EXD2: variants seen among roughly 807,000 people sequenced by gnomAD.
EXD2 encodes exonuclease 3'-5' domain containing 2.
In EXD2, 40 loss-of-function variants were observed where a neutral mutation model predicts 62.5. The observed-to-expected ratio is 0.64, with a 90% confidence interval of 0.50 to 0.83. EXD2 has a LOEUF of 0.83. EXD2 is among the 40% of genes least tolerant of loss of function. The pLI, the probability that EXD2 is intolerant of heterozygous loss-of-function variation, is 0.00. For missense variants in EXD2, 671 were observed against 761.8 expected (o/e 0.88, Z 1.40); for synonymous variants, 239 against 291.9 (o/e 0.82, Z 1.85).
At chr14:69,198,782 A>G (rs2042292761) in intron 1 of EXD2, among the ~76,000 whole-genome samples, 2 of 152,230 alleles carry the variant, frequency 1.3e-5, no homozygotes, top group South Asian at 4.1e-4. Flanking sequence ...CCTAGATGGA[A>G]TAGCTGACTA....
intron 5 of EXD2, among the ~76,000 whole-genome samples, chr14:69,231,902 T>A (rs192727745): frequency 9.1e-6 from 1 of 110,440 alleles, no homozygotes; most frequent in African/African-American, 4.0e-5. Flanking sequence ...AAAGGGAGCA[T>A]GAGCAGTAAA....
At position 69,235,956 on chromosome 14, in the gene EXD2, G is replaced by T. The variant is rs560040966; in HGVS notation, c.1050-90G>T. On this transcript the variant is annotated intron_variant, in intron 6 of 9. Transcript: ENST00000685843. ...TGACCTTAGTGTTGAGAATAGTTTT[G>T]AGTCACTCAGAAGAGAGCATGGGAA... 3 of 917,210 alleles carry T rather than the reference G, an allele frequency of 3.3e-6. No individual in the cohort carries two copies. The African/African-American group carries it at 4.9e-5, about 15-fold the overall frequency. 56.8% of individuals were successfully genotyped at this position (917,210 alleles called of 1,614,324 possible).
At chr14:69,208,118 G>A (rs2042671624) in intron 2 of EXD2, among the ~76,000 whole-genome samples, 1 of 150,332 alleles carries the variant, frequency 6.7e-6, no homozygotes, top group African/African-American at 2.5e-5. Flanking sequence ...AGGCTGGAAC[G>A]AACTCCTGAC....
chr14:69,231,820 C>G (rs1436920405), intron 5 of EXD2, among the ~76,000 whole-genome samples: 1 of 149,068 alleles, frequency 6.7e-6, no homozygotes. Flanking sequence ...CATAGTAGAT[C>G]CTCTGTTTTT....
chr14:69,213,360 A>C, intron 3 of EXD2, among the ~76,000 whole-genome samples: 1 of 133,624 alleles, frequency 7.5e-6, no homozygotes, highest in Non-Finnish European at 1.6e-5. Flanking sequence ...TGTGTGAGCT[A>C]CCATGCTGGG....
rs1429938061 is a variant in EXD2 at position 69,241,988 on chromosome 14, C to T, written c.*888C>T. On this transcript the variant is annotated 3_prime_UTR_variant, in exon 10 of 10. Transcript: ENST00000685843. The stretch of plus-strand genomic sequence containing the variant: ...AGTTCCCCTGTATTCTGTGCTTCAT[C>T]GAATTTGCAAGACTGACCTCTTTTA... The T allele has an allele frequency of 1.3e-5, 5 of 398,584 alleles. No individual in the cohort carries two copies. The highest frequency in any genetic ancestry group is 2.2e-5 in the Non-Finnish European group (5 of 226,054). 24.7% of individuals were successfully genotyped at this position (398,584 alleles called of 1,614,324 possible). A position where few individuals can be genotyped will look rare whatever the true frequency, so the allele number is the denominator to read the frequency against.
At position 69,241,241 on chromosome 14, in the gene EXD2, G is replaced by A. The variant is rs538173212; in HGVS notation, c.*141G>A. On this transcript the variant is annotated 3_prime_UTR_variant, in exon 10 of 10. Coordinates refer to ENST00000685843, the MANE Select transcript of EXD2 (RefSeq NM_001193360.2). ...TACTAACCTAGACTAATCCCAGGAT[G>A]CTTCTGCTGGAGCAAAGATATTGTT... The A allele has an allele frequency of 1.5e-6, 1 of 667,300 alleles. No individual in the cohort carries two copies. Among genetic ancestry groups the A allele is most frequent in the African/African-American group, 1.8e-5 (1 of 55,272 alleles). The allele number at this position is 667,300 out of a possible 1,614,324, so 41.3% of individuals were successfully genotyped here.
intron 2 of EXD2, among the ~76,000 whole-genome samples, chr14:69,206,283 C>T (rs2042591893): frequency 6.6e-6 from 1 of 151,894 alleles, no homozygotes; most frequent in South Asian, 2.1e-4. Context: ...GTGGCTTGCC[C>T]AGGCCAAGGT....
At chr14:69,229,134 G>A (rs2043477105) in intron 4 of EXD2, 62 bp downstream of exon 4, 7 of 1,591,656 alleles carry the variant, frequency 4.4e-6, no homozygotes, top group Non-Finnish European at 5.1e-6. Context: ...AGCCAGATTT[G>A]TAGATGCCTG....
chr14:69,230,173 T>C (rs2140008037), intron 4 of EXD2, among the ~76,000 whole-genome samples: 1 of 152,292 alleles, frequency 6.6e-6, no homozygotes, highest in African/African-American at 2.4e-5. Context: ...GTGCTGCCAC[T>C]TGCCAGCTGT....
At chr14:69,202,243 G>C (rs554380487) in intron 1 of EXD2, among the ~76,000 whole-genome samples, 25 of 152,232 alleles carry the variant, frequency 1.6e-4, no homozygotes, top group Non-Finnish European at 2.9e-4. Flanking sequence ...GTGCTGTCAT[G>C]TGCCTGTGGT....
chr14:69,197,073 AG>A (rs2042231983), intron 1 of EXD2, among the ~76,000 whole-genome samples: 1 of 152,146 alleles, frequency 6.6e-6, no homozygotes, highest in African/African-American at 2.4e-5. Flanking sequence ...ATGTCTATTC[AG>A]TTAGCTGGAC....
Position 69,209,746 on chromosome 14 carries a change from G to A in EXD2, c.276G>A (p.Glu92=). ...VSQEAEWDQI[E]PLLRSELEDF... ...AGGAGGCAGAGTGGGATCAAATCGA[G>A]CCCTTGCTTAGAAGTGAATTAGAAG... The change falls in exon 3 of 10, where the codon GAG becomes GAA. Residue 92 remains glutamate (E), a synonymous_variant. Coordinates refer to ENST00000685843, the MANE Select transcript of EXD2 (RefSeq NM_001193360.2). 1.9e-6 allele frequency: 3 copies of A among 1,546,578 alleles called. No individual in the cohort carries two copies. The highest frequency in any genetic ancestry group is 2.4e-5 in the South Asian group (2 of 83,552).
Position 69,203,965 on chromosome 14 carries a change from G to A in EXD2, c.-83G>A, listed in dbSNP as rs1290076806. Reference sequence around the variant, plus strand: ...TCGCAGATGAGGAAACTGAGGCTTAGAGAAGTTTGGCAAATTGGCTAAGTT... The same window carrying A: ...TCGCAGATGAGGAAACTGAGGCTTAAAGAAGTTTGGCAAATTGGCTAAGTT... On this transcript the variant is annotated 5_prime_UTR_variant, in exon 2 of 10. Transcript: ENST00000685843. 6.6e-6 allele frequency: 1 copy of A among 152,206 alleles called. No homozygotes were observed. Among genetic ancestry groups the A allele is most frequent in the African/African-American group, 2.4e-5 (1 of 41,458 alleles). 9.4% of individuals were successfully genotyped at this position (152,206 alleles called of 1,614,324 possible). A position where few individuals can be genotyped will look rare whatever the true frequency, so the allele number is the denominator to read the frequency against.
intron 3 of EXD2, among the ~76,000 whole-genome samples, chr14:69,222,207 T>G (rs72720267): frequency 0.12 from 17,862 of 152,092 alleles, 1,230 homozygotes; most frequent in Middle Eastern, 0.21. Context: ...TACTTGTGCT[T>G]CTTTTTTCTT....
intron 3 of EXD2, among the ~76,000 whole-genome samples, chr14:69,221,958 C>A: frequency 7.0e-6 from 1 of 141,988 alleles, no homozygotes; most frequent in East Asian, 2.1e-4. Context: ...CGTGGTGGTG[C>A]GCACCTGTAA....
At chr14:69,217,153 A>G (rs2043012962) in intron 3 of EXD2, among the ~76,000 whole-genome samples, 1 of 152,192 alleles carries the variant, frequency 6.6e-6, no homozygotes, top group African/African-American at 2.4e-5. Flanking sequence ...CCTAGGCTCA[A>G]TCAGTCCTCC....
chr14:69,235,077 T>G (rs1271621053), intron 6 of EXD2, 46 bp downstream of exon 6: 4 of 1,495,252 alleles, frequency 2.7e-6, no homozygotes, highest in African/African-American at 1.4e-5. Flanking sequence ...TGGCCCAGCC[T>G]TAGCAAAGGG....
In EXD2 at chr14:69,237,589, C is replaced by T; in HGVS notation, c.1307C>T (p.Pro436Leu). The T allele has an allele frequency of 1.9e-6, 3 of 1,614,204 alleles. No individual in the cohort carries two copies. The highest frequency in any genetic ancestry group is 2.5e-6 in the Non-Finnish European group (3 of 1,180,032). ...GCTTGTTCCAGGAAGAACGTGATTC[C>T]ACATGAGTACCGGAAGCACTTCCCC... ...RDSYIRKNVI[P>L]HEYRKHFPIE... Residue 436 changes from proline (P) to leucine (L), a missense_variant, in exon 9 of 10, where the codon CCA (proline) becomes CTA (leucine). Physicochemically the swap from Pro to Leu is moderately conservative, Grantham distance 98. Transcript: ENST00000685843.
Sources: allele counts gnomAD v4.1 joint callset (sites outside exome capture counted in the v4.1 genomes callset), GRCh38; gene constraint gnomAD v4.1.1; transcripts MANE v1.5; gene names NCBI Gene and HGNC (gene_info 2026-07-23, HGNC 2026-07-21).